The following RBM45 variants were observed in gnomAD, a reference collection of about 807,000 sequenced individuals.
RBM45 encodes the protein RNA-binding protein 45.
A neutral mutation model predicts 58.5 loss-of-function variants in RBM45; 39 were observed. The ratio of observed to expected loss-of-function variants is 0.67; its 90% CI spans 0.52 to 0.87. RBM45 has a LOEUF of 0.87. Ranked by LOEUF, RBM45 falls within the 40% of genes least tolerant of loss-of-function variation. The pLI is 0.00. For synonymous variants in RBM45, 193 were observed against 203.0 expected (o/e 0.95, Z 0.42); for missense variants, 481 against 581.6 (o/e 0.83, Z 1.78).
chr2:178,130,852 G>A (rs140531071), downstream of RBM45, among the ~76,000 whole-genome samples: 180 of 152,266 alleles, frequency 1.2e-3, no homozygotes, highest in African/African-American at 4.1e-3. Flanking sequence ...AGTGATTTTA[G>A]CAAATTTAGA....
chr2:178,133,298 A>C (rs1161734724), downstream of RBM45, among the ~76,000 whole-genome samples: 3 of 152,240 alleles, frequency 2.0e-5, no homozygotes, highest in African/African-American at 7.2e-5. Context: ...TGTTTATGCC[A>C]TTCAAAGCTT....
At chr2:178,134,964 G>C (rs760327527) in intron 3 of RBM45, among the ~76,000 whole-genome samples, 4 of 152,062 alleles carry the variant, frequency 2.6e-5, no homozygotes, top group Non-Finnish European at 5.9e-5. Flanking sequence ...CCAAGATTTC[G>C]CCACTGCACT....
chr2:178,129,342 ATTTCC>A (rs2087977462), intron 9 of RBM45, 50 bp from the exon 10 acceptor site: 1 of 152,448 alleles, frequency 6.6e-6, no homozygotes, highest in African/African-American at 2.4e-5. Context: ...TACAACAGCT[ATTTCC>A]TTTCCTTTCA....
In RBM45 at chr2:178,118,186, G is replaced by T. The variant is rs891898616; in HGVS notation, c.550+5G>T. ...CAATAGAAAACTGTGATCGAAGTAA[G>T]GATGTGTTTAACATTGTTAAAAACT... On this transcript the variant is annotated splice_donor_5th_base_variant and intron_variant, in intron 3 of 9. Transcript: ENST00000286070. 6.2e-7 allele frequency: 1 copy of T among 1,607,540 alleles called. No homozygotes were observed. The highest frequency in any genetic ancestry group is 8.5e-7 in the Non-Finnish European group (1 of 1,177,480).
intron 1 of RBM45, among the ~76,000 whole-genome samples, chr2:178,113,773 G>C (rs191740649): frequency 7.6e-4 from 116 of 152,284 alleles, no homozygotes; most frequent in African/African-American, 2.5e-3. Flanking sequence ...TTAAATTGTA[G>C]CCTTCGTCTG....
downstream of RBM45, chr2:178,129,674 G>T (rs1300623719): frequency 6.6e-6 from 1 of 152,454 alleles, no homozygotes; most frequent in Admixed American, 6.6e-5. Flanking sequence ...TTATTTATGT[G>T]AAAGACAAGA....
At chr2:178,118,610 G>A (rs1032228260) in intron 3 of RBM45, among the ~76,000 whole-genome samples, 4 of 152,090 alleles carry the variant, frequency 2.6e-5, no homozygotes, top group African/African-American at 9.7e-5. Flanking sequence ...TTTATAAGAT[G>A]TGCTAACATA....
At chr2:178,121,996 G>C (rs987118553) in intron 5 of RBM45, among the ~76,000 whole-genome samples, 2 of 152,112 alleles carry the variant, frequency 1.3e-5, no homozygotes, top group Non-Finnish European at 2.9e-5. Flanking sequence ...AGGCATTGTG[G>C]CATAATGGGA....
In RBM45 at chr2:178,120,354, T is replaced by C. The variant is rs1390836073; in HGVS notation, c.618T>C (p.Ser206=). 4.3e-6 allele frequency: 7 copies of C among 1,613,278 alleles called. No individual in the cohort carries two copies. Among genetic ancestry groups the C allele is most frequent in the Non-Finnish European group, 5.1e-6 (6 of 1,179,528 alleles). ...ASESSEQDYY[S]NMRQEALGHE... ...AATCCTCTGAACAAGATTATTATAG[T>C]AATATGAGGCAAGAAGCTTTGGGAC... The change falls in exon 4 of 10, where the codon AGT becomes AGC. Residue 206 remains serine (S), a synonymous_variant. Coordinates refer to ENST00000286070, the MANE Select transcript of RBM45 (RefSeq NM_152945.4).
chr2:178,117,129 T>C (rs139488663), intron 2 of RBM45, among the ~76,000 whole-genome samples: 33 of 152,232 alleles, frequency 2.2e-4, no homozygotes, highest in African/African-American at 7.2e-4. Flanking sequence ...CTCCCATGAA[T>C]TGGGTGGCAA....
chr2:178,120,231 T>C, intron 3 of RBM45, 56 bp from the exon 4 acceptor site: 1 of 1,606,964 alleles, frequency 6.2e-7, no homozygotes, highest in Non-Finnish European at 8.5e-7. Flanking sequence ...CAATCAAGTA[T>C]ATTTGCAGGT....
In RBM45 at chr2:178,129,413, T is replaced by G. The variant is rs2087978274; in HGVS notation, c.*25T>G. The G allele has an allele frequency of 6.6e-6, 1 of 152,632 alleles. No homozygotes were observed. The highest frequency in any genetic ancestry group is 2.4e-5 in the African/African-American group (1 of 41,456). The allele number at this position is 152,632 out of a possible 1,614,324, so 9.5% of individuals were successfully genotyped here. On this transcript the variant is annotated 3_prime_UTR_variant, in exon 10 of 10. Coordinates refer to ENST00000286070, the MANE Select transcript of RBM45 (RefSeq NM_152945.4). The stretch of plus-strand genomic sequence containing the variant: ...TTTCTACAGAACAAAGACTAAATAA[T>G]GACATAATCCTCAGCTGACTGACTG...
At chr2:178,133,905 G>A (rs1481509413), downstream of RBM45, 4 of 152,142 alleles carry the variant, frequency 2.6e-5, no homozygotes, top group Non-Finnish European at 4.4e-5. Context: ...CTGAAGGTAT[G>A]GTATTGATAG....
rs149718696 is a variant in RBM45 at position 178,118,739 on chromosome 2, G to C, written c.550+558G>C. Among the ~76,000 whole-genome samples the C allele has an allele frequency of 2.6e-5, 4 of 152,106 alleles. No individual in the cohort carries two copies. The East Asian group carries it at 7.7e-4, about 29-fold the overall frequency. On this transcript the variant is annotated intron_variant, in intron 3 of 9. Transcript: ENST00000286070. The stretch of plus-strand genomic sequence containing the variant: ...GATGTCAAAGAGAATATTCTTTGTT[G>C]GTATACTTCTAGTTAGGTATATTGA...
At chr2:178,130,183 A>G (rs143381045), downstream of RBM45, among the ~76,000 whole-genome samples, 12 of 152,228 alleles carry the variant, frequency 7.9e-5, no homozygotes, top group Non-Finnish European at 1.6e-4. Context: ...GGAATTTTCA[A>G]AACAGACTAC....
Position 178,116,314 on chromosome 2 carries a change from A to T in RBM45, c.353A>T (p.Glu118Val), listed in dbSNP as rs1191136116. 6.2e-7 allele frequency: 1 copy of T among 1,612,992 alleles called. No individual in the cohort carries two copies. The highest frequency in any genetic ancestry group is 8.5e-7 in the Non-Finnish European group (1 of 1,179,634). ...SSGSHRDVED[E>V]ELTRIFVMIP... ...GGAAGTCACCGAGATGTTGAAGATG[A>T]AGAACTTACAAGAATCTTTGTTATG... The change falls in exon 2 of 10, where the codon GAA (glutamate) becomes GTA (valine). Residue 118 changes from glutamate to valine, a missense_variant. By Grantham distance (121) the Glu-to-Val change is moderately radical. Coordinates refer to ENST00000286070, the MANE Select transcript of RBM45 (RefSeq NM_152945.4).
intron 1 of RBM45, among the ~76,000 whole-genome samples, chr2:178,113,609 G>A (rs1344839760): frequency 6.6e-6 from 1 of 152,128 alleles, no homozygotes; most frequent in Non-Finnish European, 1.5e-5. Context: ...ATCATTTTGA[G>A]GGTTATTTGA....
chr2:178,114,278 G>A (rs139385217), intron 1 of RBM45, among the ~76,000 whole-genome samples: 39 of 152,164 alleles, frequency 2.6e-4, no homozygotes, highest in Non-Finnish European at 4.0e-4. Context: ...GAATTTTATC[G>A]CTGTCCAATT....
downstream of RBM45, among the ~76,000 whole-genome samples, chr2:178,130,838 A>G (rs749209001): frequency 6.6e-6 from 1 of 152,252 alleles, no homozygotes; most frequent in Non-Finnish European, 1.5e-5. Flanking sequence ...TTCTTTTAAA[A>G]GTCAGTGATT....
Sources: gnomAD v4.1 joint callset for allele counts (sites outside exome capture counted in the v4.1 genomes callset) on GRCh38, gnomAD v4.1.1 for gene constraint, MANE v1.5 for transcripts, NCBI Gene and HGNC (gene_info 2026-07-23, HGNC 2026-07-21) for gene names.